The following ATP8B4 variants were observed in gnomAD, a reference collection of about 807,000 sequenced individuals.
ATP8B4 encodes ATPase phospholipid transporting 8B4 (putative), also known as probable phospholipid-transporting ATPase IM.
In ATP8B4, 133 loss-of-function variants were observed where a neutral mutation model predicts 145.6. The ratio of observed to expected loss-of-function variants is 0.91; its 90% CI spans 0.79 to 1.05. The LOEUF (loss-of-function observed/expected upper bound fraction) is 1.05. Among genes scored for constraint, ATP8B4 ranks in the 50% least tolerant of loss-of-function variants. ATP8B4 has a pLI of 0.00. For missense variants in ATP8B4, 1,458 were observed against 1,425.2 expected, an observed-to-expected ratio of 1.02 and a Z score of -0.37; for synonymous variants, 507 against 492.9, an observed-to-expected ratio of 1.03 and a Z score of -0.38.
intron 2 of ATP8B4, among the ~76,000 whole-genome samples, chr15:50,077,759 C>T (rs902148429): frequency 6.6e-6 from 1 of 152,160 alleles, no homozygotes; most frequent in Non-Finnish European, 1.5e-5. Flanking sequence ...GCAGACAACA[C>T]GTCAGGGAAG....
At chr15:50,092,570 T>TA (rs1473221473) in intron 2 of ATP8B4, among the ~76,000 whole-genome samples, 11 of 151,936 alleles carry the variant, frequency 7.2e-5, no homozygotes, top group Non-Finnish European at 1.5e-4. Context: ...TTTGAAAATA[T>TA]AATAAATTCA....
intron 5 of ATP8B4, among the ~76,000 whole-genome samples, chr15:50,040,405 G>GC (rs2051184354): frequency 6.6e-6 from 1 of 152,066 alleles, no homozygotes; most frequent in African/African-American, 2.4e-5. Flanking sequence ...GCTTTTCCTT[G>GC]CCCACACCCT....
At chr15:50,073,026 AC>A (rs2053948863) in intron 3 of ATP8B4, among the ~76,000 whole-genome samples, 1 of 76,398 alleles carries the variant, frequency 1.3e-5, no homozygotes, top group African/African-American at 6.9e-5. Context: ...ATATACACAC[AC>A]ACACACACAC....
rs1231859258 is a variant in ATP8B4 at position 50,004,213 on chromosome 15, T to C, written c.436-1990A>G. 5.9e-5 allele frequency among the ~76,000 whole-genome samples: 9 copies of C among 152,184 alleles called. No homozygotes were observed. In the South Asian group the frequency reaches 1.0e-3, roughly 18 times the overall value. On this transcript the variant is annotated intron_variant, in intron 7 of 27. Transcript: ENST00000284509. ...CCTCGTCCTTCAAGGCGTTAATTCA[T>C]TGTGGTTGAGGAGGGAGTGCGAAGG...
At chr15:49,927,056 C>T (rs4386084) in intron 16 of ATP8B4, among the ~76,000 whole-genome samples, 37,003 of 151,954 alleles carry the variant, frequency 0.24, 5,161 homozygotes, top group Non-Finnish European at 0.31. Context: ...TTAATAGCCA[C>T]CTCTGAATTT....
chr15:49,916,816 A>G (rs1269027732), intron 20 of ATP8B4, 118 bp downstream of exon 20: 13 of 874,644 alleles, frequency 1.5e-5, no homozygotes, highest in Non-Finnish European at 2.2e-5. Context: ...AAAGAACTTT[A>G]TACTAAGTTA....
intron 10 of ATP8B4, among the ~76,000 whole-genome samples, chr15:49,983,319 CT>C (rs1169974194): frequency 3.3e-5 from 5 of 152,168 alleles, no homozygotes; most frequent in African/African-American, 1.2e-4. Context: ...TTCCTCCAAG[CT>C]TCTTATCTCA....
At position 49,987,448 on chromosome 15, in the gene ATP8B4, G is replaced by A. The variant is rs758146194; in HGVS notation, c.691C>T (p.Leu231=). The A allele has an allele frequency of 1.2e-6, 2 of 1,613,846 alleles. No homozygotes were observed. The highest frequency in any genetic ancestry group is 1.7e-6 in the Non-Finnish European group (2 of 1,179,832). Residue 231 remains leucine, a synonymous_variant, in exon 10 of 28, where the codon CTG becomes TTG. Coordinates refer to ENST00000284509, the MANE Select transcript of ATP8B4 (RefSeq NM_024837.4). ...GTATTTCTCAGGATGCAGCCTCTCA[G>A]GATTATCTTCTCATTGTTGAGGGAA... is the stretch of plus-strand genomic sequence containing the variant. ...KHSLNNEKII[L]RGCILRNTSW... is the part of the protein sequence containing the mutation.
Position 50,005,614 on chromosome 15 carries a change from A to G in ATP8B4, c.436-3391T>C, listed in dbSNP as rs534283164. 3.3e-5 allele frequency among the ~76,000 whole-genome samples: 5 copies of G among 152,266 alleles called. No individual in the cohort carries two copies. The South Asian group carries it at 1.0e-3, about 32-fold the overall frequency. ...TAAAGCCCATGGCCCTTCCAAAGTC[A>G]TTGAGGAACCCAAGGGCCCAAGAGA... On this transcript the variant is annotated intron_variant, in intron 7 of 27. Transcript: ENST00000284509.
intron 22 of ATP8B4, 44 bp from the exon 23 acceptor site, chr15:49,897,559 C>T (rs370474671): frequency 1.5e-5 from 21 of 1,408,914 alleles, no homozygotes; most frequent in East Asian, 2.4e-5. Context: ...AACAAAGCCA[C>T]GATCTCTTTT....
rs557646385 is a variant in ATP8B4 at position 49,935,501 on chromosome 15, T to A, written c.1288-1319A>T. Among the ~76,000 whole-genome samples, 21 of 152,288 alleles carry A rather than the reference T, an allele frequency of 1.4e-4. No individual in the cohort carries two copies. In the South Asian group the frequency reaches 3.7e-3, roughly 27 times the overall value. Reference sequence around the variant, plus strand: ...TGCCATATATCAAGTGTTTACAGTATACTAGTTTCTTTTTTAAGTACTTTT... The same window carrying A: ...TGCCATATATCAAGTGTTTACAGTAAACTAGTTTCTTTTTTAAGTACTTTT... On this transcript the variant is annotated intron_variant, in intron 14 of 27. Coordinates refer to ENST00000284509, the MANE Select transcript of ATP8B4 (RefSeq NM_024837.4).
At chr15:50,031,063 T>C (rs2153592034) in intron 6 of ATP8B4, among the ~76,000 whole-genome samples, 1 of 152,314 alleles carries the variant, frequency 6.6e-6, no homozygotes, top group Non-Finnish European at 1.5e-5. Flanking sequence ...ATTAACTTAT[T>C]GAAGGCAAAA....
intron 23 of ATP8B4, among the ~76,000 whole-genome samples, chr15:49,890,000 A>C (rs1336803604): frequency 1.3e-5 from 2 of 152,240 alleles, no homozygotes; most frequent in Non-Finnish European, 2.9e-5. Flanking sequence ...ATTTATTCCA[A>C]AAGAAATTTT....
At chr15:50,008,543 G>GT (rs2048488298) in intron 7 of ATP8B4, among the ~76,000 whole-genome samples, 1 of 152,158 alleles carries the variant, frequency 6.6e-6, no homozygotes, top group Non-Finnish European at 1.5e-5. Flanking sequence ...ACTTGTGCTT[G>GT]CCTTCTGTAT....
At chr15:50,116,826 G>A (rs1233042513) in intron 1 of ATP8B4, among the ~76,000 whole-genome samples, 1 of 151,944 alleles carries the variant, frequency 6.6e-6, no homozygotes, top group African/African-American at 2.4e-5. Flanking sequence ...AAGCAAGGTA[G>A]CTTTAAAGTA....
intron 2 of ATP8B4, among the ~76,000 whole-genome samples, chr15:50,088,479 T>C (rs981980210): frequency 6.6e-6 from 1 of 152,294 alleles, no homozygotes; most frequent in Middle Eastern, 3.4e-3. Flanking sequence ...TCTCATCTCA[T>C]GGCCTTTGCA....
At chr15:50,072,946 CTCTCTCTCTCT>C in intron 3 of ATP8B4, among the ~76,000 whole-genome samples, 1 of 26,342 alleles carries the variant, frequency 3.8e-5, no homozygotes, top group Non-Finnish European at 6.6e-5. Context: ...CTCTCTCTCT[CTCTCTCTCTCT>C]CTCTCTCTCT....
rs762398163 is a variant in ATP8B4, at chr15:49,920,307, G to A, written c.1862C>T (p.Ala621Val). The change falls in exon 18 of 28, where the codon GCC becomes GTC. Residue 621 changes from alanine to valine, a missense_variant. Ala to Val is a moderately conservative substitution (Grantham distance 64, BLOSUM62 0). Coordinates refer to ENST00000284509, the MANE Select transcript of ATP8B4 (RefSeq NM_024837.4). Reference protein sequence around the residue: ...WHKMLEDANAATEERDERIAG... With the variant: ...WHKMLEDANAVTEERDERIAG... The stretch of plus-strand genomic sequence containing the variant: ...TATTCGTTCATCCCTCTCTTCTGTG[G>A]CAGCATTCGCATCTTCAAGCATCTT... 6.8e-6 allele frequency: 11 copies of A among 1,614,090 alleles called. No homozygotes were observed. The highest frequency in any genetic ancestry group is 9.3e-6 in the Non-Finnish European group (11 of 1,180,020).
In ATP8B4 at chr15:49,876,339, G is replaced by A; in HGVS notation, c.2966C>T (p.Ala989Val). The A allele has an allele frequency of 6.2e-7, 1 of 1,614,128 alleles. No homozygotes were observed. The change falls in exon 25 of 28, where the codon GCT (alanine) becomes GTT (valine). Residue 989 changes from alanine to valine, a missense_variant. Ala to Val is a moderately conservative substitution (Grantham distance 64). Transcript: ENST00000284509. ...GGTAACTGCAAAGGACTGGTAGTCAGCAATATGTTGCCCATCTTCTCCAGC... is the reference window on the plus strand; with the variant it reads ...GGTAACTGCAAAGGACTGGTAGTCAACAATATGTTGCCCATCTTCTCCAGC... ...NVAGEDGQHI[A>V]DYQSFAVTMA...
Sources: allele counts gnomAD v4.1 joint callset (sites outside exome capture counted in the v4.1 genomes callset), GRCh38; gene constraint gnomAD v4.1.1; transcripts MANE v1.5; gene names NCBI Gene and HGNC (gene_info 2026-07-23, HGNC 2026-07-21).